The following RSPRY1 variants were observed in gnomAD, a reference collection of about 807,000 sequenced individuals.
RSPRY1 encodes ring finger and SPRY domain containing 1.
In RSPRY1, 23 loss-of-function variants were observed where a neutral mutation model predicts 73.1. The ratio of observed to expected loss-of-function variants is 0.31; its 90% CI spans 0.23 to 0.45. RSPRY1 has a LOEUF of 0.45. Ranked by LOEUF, RSPRY1 falls within the 20% of genes least tolerant of loss-of-function variation. The pLI is 1.00. For synonymous variants in RSPRY1, 226 were observed against 251.4 expected (o/e 0.90, Z 0.95); for missense variants, 448 against 698.7 (o/e 0.64, Z 4.05).
chr16:57,209,332 A>C (rs1360953033), intron 4 of RSPRY1, 145 bp downstream of exon 4: 1 of 567,578 alleles, frequency 1.8e-6, no homozygotes, highest in Non-Finnish European at 3.1e-6. Context: ...ATGTAAATTT[A>C]TTTTGTATTA....
At chr16:57,208,458 C>T (rs1180353849) in intron 3 of RSPRY1, among the ~76,000 whole-genome samples, 1 of 139,276 alleles carries the variant, frequency 7.2e-6, no homozygotes, top group Non-Finnish European at 1.5e-5. Context: ...AGTGCAGTGG[C>T]ACGATCACAG....
In RSPRY1 at chr16:57,207,893, T is replaced by G. The variant is rs16967743; in HGVS notation, c.351-165T>G. 1.8e-3 allele frequency among the ~76,000 whole-genome samples: 268 copies of G among 152,262 alleles called. 6 individuals carry two copies. In the East Asian group the frequency reaches 0.043, roughly 25 times the overall value. On this transcript the variant is annotated intron_variant, in intron 2 of 14. Coordinates refer to ENST00000394420, the MANE Select transcript of RSPRY1 (RefSeq NM_133368.3). ...TGGAAATGAGCACATATGGTATACA[T>G]TCATCCTTACAGGTCATAGCTCAGG...
At chr16:57,225,877 G>A (rs1041126086) in intron 10 of RSPRY1, among the ~76,000 whole-genome samples, 27 of 152,254 alleles carry the variant, frequency 1.8e-4, no homozygotes, top group African/African-American at 6.0e-4. Context: ...TCTAGAGTTC[G>A]AGACCAGCCT....
At chr16:57,234,970 G>C (rs913057985) in intron 13 of RSPRY1, among the ~76,000 whole-genome samples, 154 bp from the exon 14 acceptor site, 1 of 152,222 alleles carries the variant, frequency 6.6e-6, no homozygotes, top group Non-Finnish European at 1.5e-5. Flanking sequence ...ATGATTGTAG[G>C]ATTGAAAGGA....
At chr16:57,235,065 A>G in intron 13 of RSPRY1, 59 bp from the exon 14 acceptor site, 18 of 1,202,598 alleles carry the variant, frequency 1.5e-5, no homozygotes, top group Non-Finnish European at 1.7e-5. Context: ...TTTCATATGC[A>G]TCACTGCTAA....
intron 13 of RSPRY1, among the ~76,000 whole-genome samples, chr16:57,231,603 C>T (rs1379542115): frequency 6.6e-6 from 1 of 152,092 alleles, no homozygotes; most frequent in Admixed American, 6.5e-5. Flanking sequence ...TAAAATGTTA[C>T]CAAACCCAGA....
At chr16:57,221,234 C>G in intron 9 of RSPRY1, 38 bp from the exon 10 acceptor site, 1 of 1,608,834 alleles carries the variant, frequency 6.2e-7, no homozygotes, top group East Asian at 2.2e-5. Flanking sequence ...GGTCTTCAGG[C>G]CCTCATAGTT....
chr16:57,212,951 A>G (rs1166889055), intron 4 of RSPRY1, 21 bp from the exon 5 acceptor site: 1 of 1,612,326 alleles, frequency 6.2e-7, no homozygotes, highest in Non-Finnish European at 8.5e-7. Flanking sequence ...GGTCAAACCC[A>G]CTTGTACTTT....
At position 57,227,261 on chromosome 16, in the gene RSPRY1, A is replaced by G. The variant is rs1372003362; in HGVS notation, c.1162-81A>G. ...AGCTTAGAATCCCAGCCATTAGGTC[A>G]GTGGTCGTAAAAGACACACTCTCTG... On this transcript the variant is annotated intron_variant, in intron 10 of 14. Coordinates refer to ENST00000394420, the MANE Select transcript of RSPRY1 (RefSeq NM_133368.3). 4 of 883,334 alleles carry G rather than the reference A, an allele frequency of 4.5e-6. No homozygotes were observed. In the African/African-American group the frequency reaches 6.6e-5, roughly 14 times the overall value. The allele number at this position is 883,334 out of a possible 1,614,324, so 54.7% of individuals were successfully genotyped here.
At position 57,204,696 on chromosome 16, in the gene RSPRY1, G is replaced by C. The variant is rs759027197; in HGVS notation, c.38G>C (p.Arg13Thr). ...GGTTGGGCCGTGTTCTTAGCGAGCA[G>C]AAGCCTTGGCCAGGGTCTGTTGTTG... ...VFGWAVFLASRSLGQGLLLTL... is the reference protein window; with the variant it reads ...VFGWAVFLASTSLGQGLLLTL... The change falls in exon 2 of 15, where the codon AGA becomes ACA. Residue 13 changes from arginine (R) to threonine (T), a missense_variant. Coordinates refer to ENST00000394420, the MANE Select transcript of RSPRY1 (RefSeq NM_133368.3). 1.2e-6 allele frequency: 2 copies of C among 1,614,196 alleles called. No individual in the cohort carries two copies. Among genetic ancestry groups the C allele is most frequent in the Non-Finnish European group, 1.7e-6 (2 of 1,180,030 alleles).
intron 7 of RSPRY1, 57 bp downstream of exon 7, chr16:57,216,230 A>G (rs2074938418): frequency 1.5e-6 from 2 of 1,318,242 alleles, no homozygotes; most frequent in East Asian, 2.3e-5. Context: ...TAAAAATTTT[A>G]TTTTTCTTAG....
intron 2 of RSPRY1, among the ~76,000 whole-genome samples, chr16:57,205,468 T>G (rs1442156133): frequency 6.6e-6 from 1 of 152,206 alleles, no homozygotes; most frequent in African/African-American, 2.4e-5. Flanking sequence ...CATTATCCTT[T>G]ATTTGATCCT....
intron 10 of RSPRY1, among the ~76,000 whole-genome samples, chr16:57,223,156 CTT>C (rs1200802562): frequency 1.3e-5 from 2 of 152,148 alleles, no homozygotes; most frequent in Non-Finnish European, 2.9e-5. Context: ...ATATTTAAAA[CTT>C]TGCTTTAAAT....
intron 9 of RSPRY1, 56 bp downstream of exon 9, chr16:57,220,903 A>G (rs2075024235): frequency 2.4e-6 from 3 of 1,230,428 alleles, no homozygotes; most frequent in Non-Finnish European, 2.4e-6. Context: ...AATTATTTTA[A>G]TCCTTGCATA....
rs1052951273 is a variant in RSPRY1 at position 57,186,369 on chromosome 16, T to C, written c.-238T>C. 14 of 169,582 alleles carry C rather than the reference T, an allele frequency of 8.3e-5. No homozygotes were observed. The highest frequency in any genetic ancestry group is 1.6e-4 in the Non-Finnish European group (13 of 82,894). The allele number at this position is 169,582 out of a possible 1,614,324, so 10.5% of individuals were successfully genotyped here. On this transcript the variant is annotated 5_prime_UTR_variant, in exon 1 of 15. Coordinates refer to ENST00000394420, the MANE Select transcript of RSPRY1 (RefSeq NM_133368.3). ...CAGCGCCGTGGCCTCGCGTCCATCT[T>C]TGCCGTTCTCTCGGACCTGTCACAA...
In RSPRY1 at chr16:57,222,670, C is replaced by T. The variant is rs922290391; in HGVS notation, c.1161+1255C>T. Among the ~76,000 whole-genome samples, 3 of 152,310 alleles carry T rather than the reference C, an allele frequency of 2.0e-5. No individual in the cohort carries two copies. In the East Asian group the frequency reaches 5.8e-4, roughly 29 times the overall value. ...GAAACTCATACCAGAATTCAGTGGC[C>T]TTCCTATTCTACAACAGTTGTTTTC... On this transcript the variant is annotated intron_variant, in intron 10 of 14. Transcript: ENST00000394420.
intron 1 of RSPRY1, among the ~76,000 whole-genome samples, chr16:57,202,878 TTA>T (rs55701001): frequency 0.039 from 5,131 of 131,522 alleles, 189 homozygotes; most frequent in African/African-American, 0.094. Context: ...TTACATATGA[TTA>T]TATATATATA....
chr16:57,224,130 G>A (rs1191570639), intron 10 of RSPRY1, among the ~76,000 whole-genome samples: 1 of 152,240 alleles, frequency 6.6e-6, no homozygotes, highest in Non-Finnish European at 1.5e-5. Context: ...CTCCAAGGCT[G>A]TCAGGGCCAA....
rs185857830 is a variant in RSPRY1, at chr16:57,207,982, C to A, written c.351-76C>A. 13 of 883,162 alleles carry A rather than the reference C, an allele frequency of 1.5e-5. No individual in the cohort carries two copies. In the African/African-American group the frequency reaches 1.7e-4, roughly 11 times the overall value. The allele number at this position is 883,162 out of a possible 1,614,324, so 54.7% of individuals were successfully genotyped here. The stretch of plus-strand genomic sequence containing the variant: ...TCTTCTGTCCCTTTTTACCTCCACA[C>A]CTCCAGTTTGAATTCTTATTTGGAA... On this transcript the variant is annotated intron_variant, in intron 2 of 14. Coordinates refer to ENST00000394420, the MANE Select transcript of RSPRY1 (RefSeq NM_133368.3).
Sources: allele counts gnomAD v4.1 joint callset (sites outside exome capture counted in the v4.1 genomes callset), GRCh38; gene constraint gnomAD v4.1.1; transcripts MANE v1.5; gene names NCBI Gene and HGNC (gene_info 2026-07-23, HGNC 2026-07-21).